Variants in SAMD4B observed in about 807,000 individuals in gnomAD.
The protein encoded by SAMD4B is protein Smaug homolog 2.
A neutral mutation model predicts 74.5 loss-of-function variants in SAMD4B; 5 were observed. The ratio of observed to expected loss-of-function variants is 0.07; its 90% CI spans 0.04 to 0.14. The LOEUF is 0.14. Ranked by LOEUF, SAMD4B falls within the 10% of genes least tolerant of loss-of-function variation. The pLI is 1.00. For synonymous variants in SAMD4B, 373 were observed against 374.9 expected (o/e 1.00, Z 0.06); for missense variants, 608 against 921.8 (o/e 0.66, Z 4.41).
intron 4 of SAMD4B, among the ~76,000 whole-genome samples, chr19:39,371,552 C>T (rs748940412): frequency 6.6e-6 from 1 of 152,186 alleles, no homozygotes; most frequent in Non-Finnish European, 1.5e-5. Context: ...CATGGTGGCT[C>T]ACGCCTGTAA....
chr19:39,387,559 C>G (rs1442771687), downstream of SAMD4B, among the ~76,000 whole-genome samples: 6 of 152,214 alleles, frequency 3.9e-5, no homozygotes, highest in Non-Finnish European at 7.3e-5. Context: ...CATTTCCTGC[C>G]TGGCCTATGG....
At chr19:39,376,643 G>T in intron 6 of SAMD4B, 62 bp from the exon 7 acceptor site, 2 of 1,591,240 alleles carry the variant, frequency 1.3e-6, no homozygotes, top group Non-Finnish European at 8.6e-7. Flanking sequence ...CTCTATTTGG[G>T]TACCCCCAAA....
chr19:39,389,340 C>CG (rs777153518), downstream of SAMD4B: 1 of 1,614,188 alleles, frequency 6.2e-7, no homozygotes, highest in East Asian at 2.2e-5. The surrounding 1 kb of genome is among the most constrained non-coding windows in gnomAD (Gnocchi z 5.3). Flanking sequence ...GAGATGTACT[C>CG]TGTCTTTCGC....
At chr19:39,380,230 T>A in intron 10 of SAMD4B, 146 bp downstream of exon 10, 1 of 655,996 alleles carries the variant, frequency 1.5e-6, no homozygotes, top group Non-Finnish European at 2.6e-6. Flanking sequence ...AAATTTCCAC[T>A]AGAATAGGAT....
chr19:39,353,502 A>C (rs188762481), intron 1 of SAMD4B, among the ~76,000 whole-genome samples: 79 of 152,164 alleles, frequency 5.2e-4, no homozygotes, highest in African/African-American at 1.8e-3. Context: ...CTTTTTTTTA[A>C]TTTAAAAAAT....
In SAMD4B at chr19:39,380,029, C is replaced by T; in HGVS notation, c.1594C>T (p.Arg532Trp). 4 of 1,613,890 alleles carry T rather than the reference C, an allele frequency of 2.5e-6. No individual in the cohort carries two copies. Among genetic ancestry groups the T allele is most frequent in the Non-Finnish European group, 3.4e-6 (4 of 1,179,920 alleles). The part of the protein sequence containing the change: ...SWKQQVLKLL[R>W]TFPRKAALEM... Reference sequence around the variant, plus strand: ...GAAACAGCAAGTGCTGAAGCTCCTCCGGACATTCCCGCGCAAAGCCGCACT... The same window carrying T: ...GAAACAGCAAGTGCTGAAGCTCCTCTGGACATTCCCGCGCAAAGCCGCACT... The change falls in exon 10 of 14, where the codon CGG becomes TGG. Residue 532 changes from arginine to tryptophan, a missense_variant. Physicochemically the swap from Arg to Trp is moderately radical, Grantham distance 101. This residue lies in a region of SAMD4B where 167 missense variants were observed against 193.0 expected (regional missense o/e 0.87). Transcript: ENST00000610417.
chr19:39,347,621 G>C (rs1472351332), intron 1 of SAMD4B, among the ~76,000 whole-genome samples: 2 of 152,204 alleles, frequency 1.3e-5, no homozygotes, highest in East Asian at 3.8e-4. Context: ...CCTCAGGGGA[G>C]CAGAATCCAG....
chr19:39,343,547 A>G (rs1317426527), intron 1 of SAMD4B, among the ~76,000 whole-genome samples: 2 of 148,068 alleles, frequency 1.4e-5, no homozygotes, highest in South Asian at 2.2e-4. Context: ...ACAGATCCCA[A>G]AAGTCTCCCC....
downstream of SAMD4B, chr19:39,386,348 G>A: frequency 6.2e-7 from 1 of 1,614,132 alleles, no homozygotes; most frequent in South Asian, 1.1e-5. The surrounding 1 kb of genome is among the most constrained non-coding windows in gnomAD (Gnocchi z 6.1). Context: ...CGCTGCCCGA[G>A]TGCTCATCTT....
downstream of SAMD4B, chr19:39,388,736 C>A: frequency 6.2e-7 from 1 of 1,608,186 alleles, no homozygotes; most frequent in Non-Finnish European, 8.5e-7. Context: ...AAGGAGCAGG[C>A]CAAGGTGGAC....
At chr19:39,364,605 A>G (rs2076846375) in intron 3 of SAMD4B, among the ~76,000 whole-genome samples, 1 of 152,102 alleles carries the variant, frequency 6.6e-6, no homozygotes, top group Non-Finnish European at 1.5e-5. Context: ...AATGGGAATC[A>G]CTGTCTTTCT....
intron 3 of SAMD4B, among the ~76,000 whole-genome samples, chr19:39,363,234 C>T (rs2076756976): frequency 6.6e-6 from 1 of 152,180 alleles, no homozygotes; most frequent in Non-Finnish European, 1.5e-5. Flanking sequence ...CATTTATACG[C>T]ACAGCATTCC....
intron 1 of SAMD4B, among the ~76,000 whole-genome samples, chr19:39,353,383 C>T (rs987570376): frequency 6.6e-6 from 1 of 152,020 alleles, no homozygotes; most frequent in African/African-American, 2.4e-5. Flanking sequence ...AATAATCCCC[C>T]TGTTTCTCCA....
chr19:39,380,719 G>A lies in SAMD4B; in HGVS notation c.1782G>A (p.Ser594=), dbSNP rs766464784. 3 of 1,608,900 alleles carry A rather than the reference G, an allele frequency of 1.9e-6. No homozygotes were observed. The highest frequency in any genetic ancestry group is 1.3e-5 in the African/African-American group (1 of 74,830). Residue 594 remains serine, a synonymous_variant, in exon 11 of 14, where the codon TCG becomes TCA. Transcript: ENST00000610417. ...PPGRMGLLSP[S]GIGGVSPRHA... is the part of the protein sequence containing the mutation. The stretch of plus-strand genomic sequence containing the variant: ...GCCGGATGGGCCTCCTGAGCCCCTC[G>A]GGCATTGGGGGTGTCTCCCCTCGAC...
chr19:39,365,296 G>C (rs1386744134), intron 3 of SAMD4B, among the ~76,000 whole-genome samples: 1 of 150,918 alleles, frequency 6.6e-6, no homozygotes, highest in Non-Finnish European at 1.5e-5. Context: ...GCTCACACCT[G>C]CAATCCCAGC....
downstream of SAMD4B, chr19:39,388,904 C>A: frequency 6.2e-7 from 1 of 1,609,974 alleles, no homozygotes; most frequent in Non-Finnish European, 8.5e-7. Flanking sequence ...TGGGAACAGG[C>A]ACAAATAGGC....
At chr19:39,365,942 T>C (rs1047954623) in intron 3 of SAMD4B, among the ~76,000 whole-genome samples, 1 of 152,210 alleles carries the variant, frequency 6.6e-6, no homozygotes, top group Non-Finnish European at 1.5e-5. Context: ...GGCTCATGCC[T>C]GTAATCTTAG....
chr19:39,388,276 T>C (rs1313045285), downstream of SAMD4B: 66 of 1,579,848 alleles, frequency 4.2e-5, no homozygotes, highest in Middle Eastern at 1.7e-4. Context: ...AGGTGGCTCT[T>C]GCATGCCCCA....
chr19:39,367,533 G>A (rs138537912), intron 3 of SAMD4B, among the ~76,000 whole-genome samples: 1,605 of 132,528 alleles, frequency 0.012, 8 homozygotes, highest in Non-Finnish European at 0.019. Context: ...TTTTTGAGAC[G>A]GAGTCTCACT....
Sources: allele counts gnomAD v4.1 joint callset (sites outside exome capture counted in the v4.1 genomes callset), GRCh38; gene constraint gnomAD v4.1.1; regional missense constraint gnomAD v4.1.1; non-coding constraint Gnocchi (gnomAD v3.1); transcripts MANE v1.5; gene names NCBI Gene and HGNC (gene_info 2026-07-23, HGNC 2026-07-21).